TTC6: variants seen among roughly 807,000 people sequenced by gnomAD.
TTC6 encodes the protein tetratricopeptide repeat domain 6.
A neutral mutation model predicts 210.4 loss-of-function variants in TTC6; 172 were observed. That is an observed-to-expected ratio of 0.82 (90% confidence interval 0.72 to 0.93). The LOEUF is 0.93. TTC6 is among the 40% of genes least tolerant of loss of function. TTC6 has a pLI of 0.00. For synonymous variants in TTC6, 804 were observed against 819.6 expected, an observed-to-expected ratio of 0.98 and a Z score of 0.32; for missense variants, 2,414 against 2,318.1, an observed-to-expected ratio of 1.04 and a Z score of -0.85.
chr14:37,715,607 C>T (rs538334150), intron 6 of TTC6, among the ~76,000 whole-genome samples: 10 of 152,142 alleles, frequency 6.6e-5, no homozygotes, highest in Non-Finnish European at 1.3e-4. Context: ...AAAAAAGAAA[C>T]GACATGCTAC....
intron 1 of TTC6, among the ~76,000 whole-genome samples, chr14:37,603,517 C>A (rs1280549968): frequency 6.6e-6 from 1 of 152,226 alleles, no homozygotes; most frequent in South Asian, 2.1e-4. Flanking sequence ...AAATTTCCTT[C>A]CTTTTTGCTG....
intron 14 of TTC6, among the ~76,000 whole-genome samples, chr14:37,768,471 T>A (rs1399587435): frequency 1.3e-5 from 2 of 152,196 alleles, no homozygotes; most frequent in Non-Finnish European, 2.9e-5. Flanking sequence ...TCCTCTTTTA[T>A]TTCATTGAGC....
At chr14:37,789,618 T>TATA (rs57518932) in intron 15 of TTC6, among the ~76,000 whole-genome samples, 3,143 of 106,028 alleles carry the variant, frequency 0.03, 39 homozygotes, top group Middle Eastern at 0.12. Context: ...ATATATATAT[T>TATA]GTATATACTC....
chr14:37,840,108 A>G (rs2139055839), intron 29 of TTC6, among the ~76,000 whole-genome samples: 1 of 152,270 alleles, frequency 6.6e-6, no homozygotes, highest in Middle Eastern at 3.4e-3. Flanking sequence ...CTAATAAACA[A>G]GAAAAGAGAG....
At chr14:37,616,264 G>T (rs1238800068) in intron 2 of TTC6, among the ~76,000 whole-genome samples, 1 of 152,146 alleles carries the variant, frequency 6.6e-6, no homozygotes, top group Non-Finnish European at 1.5e-5. Flanking sequence ...GATGTTTGTT[G>T]TCTGGGCTCC....
chr14:37,623,994 C>G (rs74880069), intron 1 of TTC6, among the ~76,000 whole-genome samples: 6 of 152,194 alleles, frequency 3.9e-5, no homozygotes, highest in African/African-American at 1.4e-4. Context: ...CAAGAAGATT[C>G]TATTACTGTT....
intron 6 of TTC6, among the ~76,000 whole-genome samples, chr14:37,722,768 G>T (rs996616355): frequency 4.6e-5 from 7 of 152,104 alleles, no homozygotes; most frequent in African/African-American, 1.7e-4. Flanking sequence ...TGTTAACCTC[G>T]ATCACCTGGC....
At chr14:37,679,917 T>G (rs1435418339) in intron 1 of TTC6, among the ~76,000 whole-genome samples, 4 of 152,054 alleles carry the variant, frequency 2.6e-5, no homozygotes, top group Non-Finnish European at 5.9e-5. Context: ...CTCAAATTCT[T>G]GACCTCAGGT....
intron 1 of TTC6, among the ~76,000 whole-genome samples, chr14:37,637,777 T>C (rs887872975): frequency 2.0e-5 from 3 of 152,154 alleles, no homozygotes; most frequent in African/African-American, 7.2e-5. Flanking sequence ...CACAGTGACA[T>C]GTCACTGCAC....
chr14:37,666,185 A>G (rs2095747581), intron 1 of TTC6, among the ~76,000 whole-genome samples: 1 of 150,192 alleles, frequency 6.7e-6, no homozygotes, highest in Admixed American at 6.6e-5. Flanking sequence ...AGCACCCTCC[A>G]TTGGCCTTCA....
chr14:37,755,881 TC>T (rs1349035149), intron 14 of TTC6, among the ~76,000 whole-genome samples: 7 of 152,216 alleles, frequency 4.6e-5, no homozygotes, highest in African/African-American at 1.7e-4. Context: ...TGTTTCTAAT[TC>T]TGTGAAGAAA....
intron 26 of TTC6, among the ~76,000 whole-genome samples, chr14:37,821,608 A>C (rs947382969): frequency 7.2e-5 from 11 of 152,104 alleles, no homozygotes; most frequent in Admixed American, 5.2e-4. Flanking sequence ...TTGGGAAAAC[A>C]TGGAGCAAGT....
chr14:37,746,211 C>T (rs772514741), intron 10 of TTC6, among the ~76,000 whole-genome samples: 83 of 152,208 alleles, frequency 5.5e-4, no homozygotes, highest in Non-Finnish European at 9.4e-4. Flanking sequence ...TTTCTTGGCT[C>T]CCGTTCCCCC....
At chr14:37,657,510 T>C (rs1459512997) in intron 1 of TTC6, among the ~76,000 whole-genome samples, 4 of 152,070 alleles carry the variant, frequency 2.6e-5, no homozygotes, top group African/African-American at 9.7e-5. Flanking sequence ...GGGCCTGGTG[T>C]CTCTGGGGGA....
chr14:37,683,573 G>T (rs1377619764), intron 3 of TTC6, among the ~76,000 whole-genome samples: 3 of 151,996 alleles, frequency 2.0e-5, no homozygotes, highest in Non-Finnish European at 2.9e-5. Context: ...GAGAGAGAGA[G>T]ATAACATATT....
chr14:37,786,673 G>A (rs1394705262), intron 14 of TTC6, among the ~76,000 whole-genome samples: 1 of 152,210 alleles, frequency 6.6e-6, no homozygotes, highest in Non-Finnish European at 1.5e-5. Context: ...GATGAACCCG[G>A]TACCTCAGTT....
chr14:37,643,776 C>G (rs892639232), intron 1 of TTC6, among the ~76,000 whole-genome samples: 1 of 152,150 alleles, frequency 6.6e-6, no homozygotes, highest in Non-Finnish European at 1.5e-5. Flanking sequence ...AAGAACATCA[C>G]TAGTCTCAAG....
rs1227010804 is a variant in TTC6, at chr14:37,796,762, T to C, written c.3869-25T>C. The C allele has an allele frequency of 8.8e-6, 14 of 1,586,342 alleles. No individual in the cohort carries two copies. In the East Asian group the frequency reaches 1.8e-4, roughly 21 times the overall value. ...AAATCATTGATACTTGGCAAAGATA[T>C]TGATAAACTTTCCTTCCCTTTTAGG... is the stretch of plus-strand genomic sequence containing the variant. On this transcript the variant is annotated intron_variant, in intron 19 of 30. Transcript: ENST00000553443.
At chr14:37,633,062 G>A (rs753314128) in intron 1 of TTC6, among the ~76,000 whole-genome samples, 14 of 152,216 alleles carry the variant, frequency 9.2e-5, no homozygotes, top group South Asian at 2.1e-4. Flanking sequence ...GCTGGGCTCC[G>A]TGGGGGTGAG....
Sources: allele counts gnomAD v4.1 joint callset (sites outside exome capture counted in the v4.1 genomes callset), GRCh38; gene constraint gnomAD v4.1.1; transcripts MANE v1.5; gene names NCBI Gene and HGNC (gene_info 2026-07-23, HGNC 2026-07-21).